Variants in BABAM2 observed in about 807,000 individuals in gnomAD.
BABAM2 encodes the protein BRISC and BRCA1-A complex member 2.
A neutral mutation model predicts 54.7 loss-of-function variants in BABAM2; 31 were observed. The ratio of observed to expected loss-of-function variants is 0.57; its 90% CI spans 0.43 to 0.77. BABAM2 has a LOEUF of 0.77. Among genes scored for constraint, BABAM2 ranks in the 30% least tolerant of loss-of-function variants. BABAM2 has a pLI of 0.00. For synonymous variants in BABAM2, 167 were observed against 162.9 expected (o/e 1.03, Z -0.19); for missense variants, 364 against 455.8 (o/e 0.80, Z 1.83).
chr2:28,111,100 C>G (rs927427725), intron 6 of BABAM2, among the ~76,000 whole-genome samples: 3 of 149,606 alleles, frequency 2.0e-5, no homozygotes, highest in African/African-American at 4.9e-5. Flanking sequence ...TCCCAAGTAT[C>G]TGGGATTACA....
intron 10 of BABAM2, among the ~76,000 whole-genome samples, chr2:28,257,755 T>C (rs1362423798): frequency 6.6e-6 from 1 of 152,142 alleles, no homozygotes; most frequent in Non-Finnish European, 1.5e-5. Context: ...TGTGGTGACA[T>C]GCACCTGTAG....
intron 6 of BABAM2, among the ~76,000 whole-genome samples, chr2:28,094,269 A>C (rs1666409588): frequency 6.6e-6 from 1 of 152,198 alleles, no homozygotes; most frequent in Admixed American, 6.5e-5. Context: ...TGCTTTATTC[A>C]GAGATGTTTT....
chr2:27,931,948 A>G (rs1350394632), intron 3 of BABAM2, among the ~76,000 whole-genome samples: 1 of 152,030 alleles, frequency 6.6e-6, no homozygotes, highest in East Asian at 1.9e-4. Flanking sequence ...CTAAATCTGT[A>G]GTTGTCTTCT....
intron 10 of BABAM2, among the ~76,000 whole-genome samples, chr2:28,253,387 G>A (rs1323357486): frequency 6.8e-6 from 1 of 147,836 alleles, no homozygotes; most frequent in South Asian, 2.1e-4. Context: ...GTGTGACAGA[G>A]CAAGACTTTG....
chr2:27,907,745 T>A (rs552085511), intron 2 of BABAM2, among the ~76,000 whole-genome samples: 1 of 152,216 alleles, frequency 6.6e-6, no homozygotes, highest in Non-Finnish European at 1.5e-5. Flanking sequence ...GTGACTACTT[T>A]AGGTACCTCA....
intron 3 of BABAM2, among the ~76,000 whole-genome samples, chr2:27,945,626 TC>T (rs1385551525): frequency 6.6e-6 from 1 of 152,206 alleles, no homozygotes; most frequent in African/African-American, 2.4e-5. Context: ...AGAATTAACA[TC>T]TTAACACTGA....
intron 6 of BABAM2, among the ~76,000 whole-genome samples, chr2:28,086,756 C>T (rs1293098468): frequency 6.6e-6 from 1 of 152,180 alleles, no homozygotes; most frequent in Non-Finnish European, 1.5e-5. Flanking sequence ...AAAAATTCTT[C>T]ACATAAGCAC....
At chr2:28,080,576 G>A (rs1435668922) in intron 6 of BABAM2, among the ~76,000 whole-genome samples, 5 of 152,152 alleles carry the variant, frequency 3.3e-5, no homozygotes, top group African/African-American at 1.2e-4. Flanking sequence ...GGTGATGGCT[G>A]TTGAACAACA....
intron 7 of BABAM2, among the ~76,000 whole-genome samples, chr2:28,218,993 G>C (rs1023887897): frequency 6.6e-6 from 1 of 152,134 alleles, no homozygotes; most frequent in Non-Finnish European, 1.5e-5. Context: ...GTTGTATTTT[G>C]AATGCTATAT....
intron 7 of BABAM2, among the ~76,000 whole-genome samples, chr2:28,146,500 G>T (rs754180457): frequency 6.6e-6 from 1 of 152,066 alleles, no homozygotes; most frequent in Non-Finnish European, 1.5e-5. Flanking sequence ...CCAAAATAAA[G>T]AACTCTTTAA....
chr2:28,246,896 A>G (rs928497006), intron 10 of BABAM2, among the ~76,000 whole-genome samples: 5 of 152,208 alleles, frequency 3.3e-5, no homozygotes, highest in Admixed American at 2.6e-4. Context: ...ACATTCAGTA[A>G]TGTAGCTATT....
intron 10 of BABAM2, among the ~76,000 whole-genome samples, chr2:28,261,906 G>A (rs1684578383): frequency 1.3e-5 from 2 of 151,994 alleles, no homozygotes; most frequent in African/African-American, 4.8e-5. Flanking sequence ...TTCCGGTACT[G>A]TCAAGACTCA....
intron 6 of BABAM2, among the ~76,000 whole-genome samples, chr2:28,068,204 A>G (rs935130903): frequency 2.0e-5 from 3 of 152,240 alleles, no homozygotes; most frequent in Non-Finnish European, 4.4e-5. Flanking sequence ...GAATAGGAAC[A>G]GACTTCTGAT....
At chr2:28,078,787 G>A (rs1279076881) in intron 6 of BABAM2, among the ~76,000 whole-genome samples, 1 of 152,154 alleles carries the variant, frequency 6.6e-6, no homozygotes, top group African/African-American at 2.4e-5. Flanking sequence ...GGATATGCAA[G>A]TCTGGCATTC....
At chr2:27,942,791 AATTT>A (rs34308709) in intron 3 of BABAM2, among the ~76,000 whole-genome samples, 1,528 of 141,848 alleles carry the variant, frequency 0.011, 9 homozygotes, top group African/African-American at 0.02. Flanking sequence ...TTTCTTAAAA[AATTT>A]ATTTATTTAT....
At chr2:28,052,806 C>G (rs1030793023) in intron 6 of BABAM2, among the ~76,000 whole-genome samples, 3 of 152,128 alleles carry the variant, frequency 2.0e-5, no homozygotes, top group African/African-American at 7.2e-5. Context: ...CATTTTGTGA[C>G]TTGCCATTAA....
intron 11 of BABAM2, among the ~76,000 whole-genome samples, chr2:28,326,657 T>C (rs1450949776): frequency 2.0e-5 from 3 of 152,134 alleles, no homozygotes; most frequent in Non-Finnish European, 2.9e-5. Flanking sequence ...GCCTACTAGC[T>C]CTGGGGCCTC....
At chr2:27,930,546 G>A (rs778239787) in intron 3 of BABAM2, among the ~76,000 whole-genome samples, 63 of 152,296 alleles carry the variant, frequency 4.1e-4, no homozygotes, top group African/African-American at 1.1e-3. Flanking sequence ...GAAGGTGGAC[G>A]TCTGAAGTTT....
chr2:28,193,178 A>C (rs1573804373), intron 7 of BABAM2, among the ~76,000 whole-genome samples: 1 of 152,162 alleles, frequency 6.6e-6, no homozygotes, highest in Admixed American at 6.5e-5. Context: ...CTCAAAAAAG[A>C]AACAAAGAAA....
Sources: gnomAD v4.1 joint callset for allele counts (sites outside exome capture counted in the v4.1 genomes callset) on GRCh38, gnomAD v4.1.1 for gene constraint, MANE v1.5 for transcripts, NCBI Gene and HGNC (gene_info 2026-07-23, HGNC 2026-07-21) for gene names.